The following MEI4 variants were observed in gnomAD, a reference collection of about 807,000 sequenced individuals.
MEI4 encodes meiotic double-stranded break formation protein 4, also known as meiosis-specific protein MEI4.
A neutral mutation model predicts 31.4 loss-of-function variants in MEI4; 27 were observed. The observed-to-expected ratio is 0.86, with a 90% CI of 0.63 to 1.19. The LOEUF (loss-of-function observed/expected upper bound fraction) is 1.19. Among genes scored for constraint, MEI4 ranks in the 50% most tolerant of loss-of-function variants. The probability of loss-of-function intolerance (pLI) is 0.00; values close to 1 mark genes in which losing one functional copy is unlikely to be tolerated. For synonymous variants in MEI4, 122 were observed against 145.4 expected, an observed-to-expected ratio of 0.84 and a Z score of 1.16; for missense variants, 329 against 398.9, an observed-to-expected ratio of 0.82 and a Z score of 1.49.
intron 2 of MEI4, among the ~76,000 whole-genome samples, chr6:77,700,385 C>T (rs532592608): frequency 6.6e-6 from 1 of 152,196 alleles, no homozygotes; most frequent in South Asian, 2.1e-4. Flanking sequence ...GGTGTAGGAC[C>T]CTCCTAGCCA....
chr6:77,816,269 C>T (rs1304294454), intron 3 of MEI4, among the ~76,000 whole-genome samples: 2 of 151,982 alleles, frequency 1.3e-5, no homozygotes, highest in African/African-American at 4.8e-5. Flanking sequence ...TTTAAAACAT[C>T]ATTAGTATAT....
At chr6:77,693,900 G>C (rs1277182883) in intron 2 of MEI4, among the ~76,000 whole-genome samples, 1 of 152,044 alleles carries the variant, frequency 6.6e-6, no homozygotes, top group Non-Finnish European at 1.5e-5. Context: ...AACTGTCGTT[G>C]AGTGTGTAGA....
At chr6:77,729,770 G>C (rs1433743590) in intron 2 of MEI4, among the ~76,000 whole-genome samples, 3 of 152,180 alleles carry the variant, frequency 2.0e-5, no homozygotes, top group Admixed American at 2.0e-4. Context: ...AGGAAACACT[G>C]AATGTCTATG....
chr6:77,735,573 G>T (rs1351263692), intron 2 of MEI4, among the ~76,000 whole-genome samples: 1 of 151,946 alleles, frequency 6.6e-6, no homozygotes, highest in Non-Finnish European at 1.5e-5. Flanking sequence ...TTTGCCTTCG[G>T]TTTGAATGTC....
intron 2 of MEI4, among the ~76,000 whole-genome samples, chr6:77,727,363 T>G (rs372910514): frequency 6.6e-6 from 1 of 152,352 alleles, no homozygotes; most frequent in South Asian, 2.1e-4. Context: ...GGGGATTTTA[T>G]GAATGTTTTA....
chr6:77,665,342 T>G (rs997300681), intron 1 of MEI4, among the ~76,000 whole-genome samples: 20 of 151,142 alleles, frequency 1.3e-4, no homozygotes, highest in African/African-American at 4.9e-4. Flanking sequence ...TGAGGGGTAC[T>G]TGCCCCTCCC....
intron 4 of MEI4, among the ~76,000 whole-genome samples, chr6:77,842,676 T>A (rs949842445): frequency 6.6e-6 from 1 of 152,070 alleles, no homozygotes; most frequent in African/African-American, 2.4e-5. Flanking sequence ...TTATAAGCAT[T>A]CTTTTCCCAC....
At chr6:77,754,887 G>A (rs888698994) in intron 2 of MEI4, among the ~76,000 whole-genome samples, 1 of 152,118 alleles carries the variant, frequency 6.6e-6, no homozygotes, top group African/African-American at 2.4e-5. Context: ...CCACCCCCAT[G>A]ATCCAATCAC....
At chr6:77,803,915 G>C (rs774216211) in intron 3 of MEI4, among the ~76,000 whole-genome samples, 1 of 152,160 alleles carries the variant, frequency 6.6e-6, no homozygotes, top group African/African-American at 2.4e-5. Context: ...GCTACTCAGG[G>C]GTCAGGGACC....
chr6:77,668,597 G>C (rs1582005707), intron 1 of MEI4, among the ~76,000 whole-genome samples: 1 of 152,178 alleles, frequency 6.6e-6, no homozygotes, highest in South Asian at 2.1e-4. Context: ...TGTTCACTTG[G>C]CAGCCAATGA....
At chr6:77,850,412 A>T (rs1222488069) in intron 4 of MEI4, among the ~76,000 whole-genome samples, 1 of 152,206 alleles carries the variant, frequency 6.6e-6, no homozygotes, top group African/African-American at 2.4e-5. Flanking sequence ...TAACCAAAAC[A>T]GCATGGTACT....
intron 2 of MEI4, among the ~76,000 whole-genome samples, chr6:77,731,380 G>T (rs1157294387): frequency 6.6e-6 from 1 of 151,388 alleles, no homozygotes; most frequent in African/African-American, 2.4e-5. Context: ...GATGGCCAGT[G>T]ATGGTGAGCA....
chr6:77,745,351 C>G (rs1377281896), intron 2 of MEI4, among the ~76,000 whole-genome samples: 1 of 152,038 alleles, frequency 6.6e-6, no homozygotes, highest in African/African-American at 2.4e-5. Context: ...TTTAAACCAA[C>G]AAAGATCAAA....
chr6:77,736,090 G>T (rs1193046866), intron 2 of MEI4, among the ~76,000 whole-genome samples: 3 of 152,078 alleles, frequency 2.0e-5, no homozygotes, highest in Non-Finnish European at 2.9e-5. Context: ...CTTTTTGTTT[G>T]TCTGTGCCCT....
rs1365171268 is a variant in MEI4, at chr6:77,923,844, A to C, written c.*498A>C. On this transcript the variant is annotated 3_prime_UTR_variant, in exon 5 of 5. Transcript: ENST00000684080. ...TATCATTGCTTTCACCTTAGACGAG[A>C]ATCATATAGAAGTAGAACTTTTTTA... 1 of 151,818 alleles carries C rather than the reference A, an allele frequency of 6.6e-6. No individual in the cohort carries two copies. Among genetic ancestry groups the C allele is most frequent in the Non-Finnish European group, 1.5e-5 (1 of 67,844 alleles). The allele number at this position is 151,818 out of a possible 1,614,324, so 9.4% of individuals were successfully genotyped here.
intron 4 of MEI4, among the ~76,000 whole-genome samples, chr6:77,836,621 T>C (rs1161741321): frequency 4.6e-5 from 7 of 152,130 alleles, no homozygotes; most frequent in Non-Finnish European, 8.8e-5. Context: ...TAAAACAAAC[T>C]AATTTTCTAT....
intron 4 of MEI4, among the ~76,000 whole-genome samples, chr6:77,868,327 A>G (rs1771103299): frequency 1.3e-5 from 2 of 151,518 alleles, no homozygotes; most frequent in Middle Eastern, 3.4e-3. Flanking sequence ...TACTGATTTT[A>G]TCAGTTTCAC....
At chr6:77,743,848 CA>C (rs1314448162) in intron 2 of MEI4, among the ~76,000 whole-genome samples, 11 of 152,226 alleles carry the variant, frequency 7.2e-5, no homozygotes, top group African/African-American at 2.7e-4. Context: ...TGCTGATACG[CA>C]GGCAAACAGG....
chr6:77,663,970 C>T (rs1310457348), intron 1 of MEI4, among the ~76,000 whole-genome samples: 5 of 152,142 alleles, frequency 3.3e-5, no homozygotes, highest in African/African-American at 7.2e-5. Flanking sequence ...AGAGGAATCC[C>T]GGGCTGCGGG....
Sources: allele counts gnomAD v4.1 joint callset (sites outside exome capture counted in the v4.1 genomes callset), GRCh38; gene constraint gnomAD v4.1.1; transcripts MANE v1.5; gene names NCBI Gene and HGNC (gene_info 2026-07-23, HGNC 2026-07-21).